ANXA3: variants seen among roughly 807,000 people sequenced by gnomAD.
ANXA3 encodes 35-alpha calcimedin.
A neutral mutation model predicts 48.8 loss-of-function variants in ANXA3; 46 were observed. The observed-to-expected ratio is 0.94, with a 90% confidence interval of 0.74 to 1.21. The LOEUF is 1.21. ANXA3 is among the 50% of genes most tolerant of loss of function. The pLI is 0.00. For missense variants in ANXA3, 383 were observed against 378.6 expected, an observed-to-expected ratio of 1.01 and a Z score of -0.10; for synonymous variants, 128 against 134.7, an observed-to-expected ratio of 0.95 and a Z score of 0.35.
intron 2 of ANXA3, among the ~76,000 whole-genome samples, chr4:78,567,087 G>A (rs1008862963): frequency 1.3e-5 from 2 of 152,202 alleles, no homozygotes; most frequent in Non-Finnish European, 2.9e-5. Context: ...CATAGGCACA[G>A]TGATCATTGC....
rs750111692 is a variant in ANXA3, at chr4:78,606,185, A to G, written c.912+1786A>G. On this transcript the variant is annotated intron_variant, in intron 12 of 12. Coordinates refer to ENST00000264908, the MANE Select transcript of ANXA3 (RefSeq NM_005139.3). ...GACCTCTCCGTCTCTTTGCTACTCC[A>G]TCTACCCTTGAATGTCTCGAGGAAA... 5.3e-5 allele frequency among the ~76,000 whole-genome samples: 8 copies of G among 152,170 alleles called. No homozygotes were observed. In the East Asian group the frequency reaches 1.5e-3, roughly 29 times the overall value.
intron 6 of ANXA3, among the ~76,000 whole-genome samples, chr4:78,590,946 T>G (rs12642521): frequency 0.62 from 94,119 of 151,898 alleles, 30,199 homozygotes; most frequent in East Asian, 0.87. Context: ...TTTTATGCCA[T>G]CACTAAGAAG....
intron 5 of ANXA3, among the ~76,000 whole-genome samples, chr4:78,585,923 C>T (rs1305906392): frequency 6.6e-6 from 1 of 152,214 alleles, no homozygotes; most frequent in African/African-American, 2.4e-5. Context: ...AGAGCCTTTT[C>T]TAAACATAGT....
chr4:78,586,885 C>T (rs569811814), intron 6 of ANXA3, among the ~76,000 whole-genome samples: 1 of 152,102 alleles, frequency 6.6e-6, no homozygotes, highest in East Asian at 1.9e-4. Context: ...GTCACAGTCC[C>T]CACAAGACTA....
intron 2 of ANXA3, among the ~76,000 whole-genome samples, chr4:78,554,690 T>C (rs1048126913): frequency 1.3e-5 from 2 of 152,212 alleles, no homozygotes; most frequent in African/African-American, 2.4e-5. Context: ...AAATAACTTA[T>C]GATGACACCA....
intron 9 of ANXA3, among the ~76,000 whole-genome samples, chr4:78,596,637 A>G (rs1723429494): frequency 6.6e-6 from 1 of 152,220 alleles, no homozygotes. Flanking sequence ...AATCACATTT[A>G]TTTTATAAAA....
chr4:78,592,853 T>C (rs1317675630), intron 7 of ANXA3, among the ~76,000 whole-genome samples: 2 of 152,106 alleles, frequency 1.3e-5, no homozygotes, highest in Non-Finnish European at 2.9e-5. Flanking sequence ...TTTATGTCAT[T>C]GGAGCGAGCG....
At chr4:78,554,517 A>G in intron 2 of ANXA3, 29 bp downstream of exon 2, 2 of 1,608,018 alleles carry the variant, frequency 1.2e-6, no homozygotes, top group Non-Finnish European at 8.5e-7. Flanking sequence ...TTCACAACAC[A>G]GTAACATATA....
intron 11 of ANXA3, chr4:78,603,207 A>G (rs1173285829): frequency 6.6e-6 from 1 of 152,244 alleles, no homozygotes; most frequent in Non-Finnish European, 1.5e-5. Flanking sequence ...ACAGAGATAT[A>G]ATCTGTTCTG....
In ANXA3 at chr4:78,594,649, T is replaced by C. The variant is rs981442250; in HGVS notation, c.484-732T>C. The stretch of plus-strand genomic sequence containing the variant: ...CTAATGACATACAATGTTGAGAATC[T>C]TTTCATGTGCCATCTGTGCGTCTTC... On this transcript the variant is annotated intron_variant, in intron 7 of 12. Coordinates refer to ENST00000264908, the MANE Select transcript of ANXA3 (RefSeq NM_005139.3). Among the ~76,000 whole-genome samples the C allele has an allele frequency of 2.0e-4, 31 of 152,384 alleles. No homozygotes were observed. The South Asian group carries it at 5.4e-3, about 26-fold the overall frequency.
intron 2 of ANXA3, among the ~76,000 whole-genome samples, chr4:78,568,603 G>A (rs1460565313): frequency 6.6e-6 from 1 of 152,194 alleles, no homozygotes; most frequent in Non-Finnish European, 1.5e-5. Context: ...AACAGGGTTG[G>A]CACCTTCTGT....
chr4:78,584,535 C>T (rs1723133892), intron 5 of ANXA3, among the ~76,000 whole-genome samples: 1 of 152,102 alleles, frequency 6.6e-6, no homozygotes, highest in Admixed American at 6.6e-5. Context: ...AAAGGCAAAC[C>T]TCCACCATGG....
chr4:78,596,408 A>G (rs1447190507), intron 9 of ANXA3, among the ~76,000 whole-genome samples: 1 of 152,258 alleles, frequency 6.6e-6, no homozygotes, highest in African/African-American at 2.4e-5. Context: ...CCTCTTGCTC[A>G]TGGCATCTCC....
chr4:78,558,827 T>C (rs1256187681), intron 2 of ANXA3, among the ~76,000 whole-genome samples: 2 of 152,190 alleles, frequency 1.3e-5, no homozygotes, highest in East Asian at 3.8e-4. Context: ...ATGTTGCCTG[T>C]AGGTCCACAG....
chr4:78,586,084 A>G (rs1723168438), intron 5 of ANXA3, among the ~76,000 whole-genome samples, 176 bp from the exon 6 acceptor site: 1 of 152,172 alleles, frequency 6.6e-6, no homozygotes, highest in African/African-American at 2.4e-5. Context: ...TTTATTCCAG[A>G]TGATTTATGT....
chr4:78,562,878 C>T (rs189248877), intron 2 of ANXA3, among the ~76,000 whole-genome samples: 30 of 151,940 alleles, frequency 2.0e-4, no homozygotes, highest in African/African-American at 5.8e-4. Context: ...GCCAGGCAGA[C>T]GGAATGATAA....
At chr4:78,598,272 G>A (rs1723463366) in intron 10 of ANXA3, among the ~76,000 whole-genome samples, 1 of 150,942 alleles carries the variant, frequency 6.6e-6, no homozygotes, top group South Asian at 2.1e-4. Flanking sequence ...AGATATCAGT[G>A]GCTTTTCTTT....
chr4:78,557,693 T>C (rs7663971), intron 2 of ANXA3, among the ~76,000 whole-genome samples: 4,510 of 43,180 alleles, frequency 0.1, 218 homozygotes, highest in African/African-American at 0.21. Flanking sequence ...GTTTTTCTTT[T>C]TTTTTTTTTT....
At position 78,565,575 on chromosome 4, in the gene ANXA3, G is replaced by A. The variant is rs556869162; in HGVS notation, c.16-7605G>A. Among the ~76,000 whole-genome samples, 26 of 152,322 alleles carry A rather than the reference G, an allele frequency of 1.7e-4. 2 individuals are homozygous for A. The South Asian group carries it at 5.4e-3, about 32-fold the overall frequency. ...ATGATTGCTCCTTTTACAGGGATGG[G>A]GAAGGTTGAGGAAACTGAGCAAATT... On this transcript the variant is annotated intron_variant, in intron 2 of 12. Coordinates refer to ENST00000264908, the MANE Select transcript of ANXA3 (RefSeq NM_005139.3).
Sources: allele counts gnomAD v4.1 joint callset (sites outside exome capture counted in the v4.1 genomes callset), GRCh38; gene constraint gnomAD v4.1.1; transcripts MANE v1.5; gene names NCBI Gene and HGNC (gene_info 2026-07-23, HGNC 2026-07-21).